AK5: variants seen among roughly 807,000 people sequenced by gnomAD.
AK5 encodes the protein adenylate kinase 5.
In AK5, 27 loss-of-function variants were observed where a neutral mutation model predicts 69.5. The observed-to-expected ratio is 0.39, with a 90% CI of 0.29 to 0.54. AK5 has a LOEUF of 0.54. Ranked by LOEUF, AK5 falls within the 20% of genes least tolerant of loss-of-function variation. AK5 has a pLI of 0.71. For missense variants in AK5, 531 were observed against 700.4 expected (o/e 0.76, Z 2.73); for synonymous variants, 260 against 244.4 (o/e 1.06, Z -0.60).
At chr1:77,416,697 G>A (rs1650451166) in intron 7 of AK5, among the ~76,000 whole-genome samples, 1 of 152,134 alleles carries the variant, frequency 6.6e-6, no homozygotes, top group African/African-American at 2.4e-5. Context: ...CAACATCGGG[G>A]ACAGGTCTAT....
chr1:77,430,014 G>A (rs1039645444), intron 8 of AK5, among the ~76,000 whole-genome samples: 2 of 152,062 alleles, frequency 1.3e-5, no homozygotes, highest in African/African-American at 4.8e-5. Flanking sequence ...TGAAGAGTTG[G>A]GGTTTCTGAG....
At chr1:77,436,826 C>T (rs1651989708) in intron 8 of AK5, among the ~76,000 whole-genome samples, 1 of 152,076 alleles carries the variant, frequency 6.6e-6, no homozygotes, top group African/African-American at 2.4e-5. Flanking sequence ...GCCGTTTTTA[C>T]AGGCTGTGAC....
chr1:77,355,071 G>A lies in AK5; in HGVS notation c.891+14503G>A, dbSNP rs77918136. On this transcript the variant is annotated intron_variant, in intron 6 of 13. Transcript: ENST00000354567. The stretch of plus-strand genomic sequence containing the variant: ...CCAAAGCTTTATTTAGAGTTCATAT[G>A]TTCATGACAAATGAATTCTAGCAGA... 3.0e-3 allele frequency among the ~76,000 whole-genome samples: 456 copies of A among 152,190 alleles called. 1 individual carries two copies. Among genetic ancestry groups the A allele is most frequent in the African/African-American group, 0.011 (439 of 41,512 alleles).
At chr1:77,419,478 A>G (rs959368295) in intron 8 of AK5, among the ~76,000 whole-genome samples, 2 of 152,208 alleles carry the variant, frequency 1.3e-5, no homozygotes, top group Admixed American at 6.5e-5. Context: ...ATTAGAAGCC[A>G]TGAAACAAAT....
intron 5 of AK5, among the ~76,000 whole-genome samples, chr1:77,338,273 T>C (rs895934122): frequency 3.3e-5 from 5 of 152,284 alleles, no homozygotes; most frequent in African/African-American, 9.6e-5. Context: ...ATTTGAACAA[T>C]GTTTTAAAGA....
intron 6 of AK5, among the ~76,000 whole-genome samples, chr1:77,403,175 C>T (rs1649358452): frequency 6.6e-6 from 1 of 151,822 alleles, no homozygotes; most frequent in Admixed American, 6.6e-5. Flanking sequence ...TGTTTGAGTT[C>T]ATTGTAGATT....
At chr1:77,324,980 C>CTTTTTT (rs374298984) in intron 5 of AK5, among the ~76,000 whole-genome samples, 9 of 139,196 alleles carry the variant, frequency 6.5e-5, no homozygotes, top group Non-Finnish European at 1.4e-4. Context: ...TTACGAGCTA[C>CTTTTTT]TTTTTTTTTT....
At chr1:77,428,388 C>T (rs928052470) in intron 8 of AK5, among the ~76,000 whole-genome samples, 6 of 152,190 alleles carry the variant, frequency 3.9e-5, no homozygotes, top group African/African-American at 1.4e-4. Flanking sequence ...ACTTCTGCAG[C>T]TTCAGCTATC....
At chr1:77,506,240 G>GTTGGT (rs1363320183) in intron 10 of AK5, among the ~76,000 whole-genome samples, 1 of 151,812 alleles carries the variant, frequency 6.6e-6, no homozygotes, top group Non-Finnish European at 1.5e-5. Context: ...TGGTTGGTTG[G>GTTGGT]TTGGTTGGTT....
chr1:77,352,425 T>G (rs1483128773), intron 6 of AK5, among the ~76,000 whole-genome samples: 2 of 152,152 alleles, frequency 1.3e-5, no homozygotes, highest in African/African-American at 4.8e-5. Flanking sequence ...CTGAAGCCAG[T>G]AAACAAGGGA....
At chr1:77,331,039 A>C (rs967553949) in intron 5 of AK5, among the ~76,000 whole-genome samples, 15 of 152,052 alleles carry the variant, frequency 9.9e-5, no homozygotes, top group African/African-American at 3.4e-4. Context: ...GCCTTATGCT[A>C]ATATACAAAA....
At chr1:77,347,769 A>G (rs899827401) in intron 6 of AK5, among the ~76,000 whole-genome samples, 2 of 152,166 alleles carry the variant, frequency 1.3e-5, no homozygotes, top group Non-Finnish European at 2.9e-5. Flanking sequence ...AACAGCATCA[A>G]AACAACAGGA....
chr1:77,343,315 A>G (rs1007904448), intron 6 of AK5, among the ~76,000 whole-genome samples: 3 of 152,146 alleles, frequency 2.0e-5, no homozygotes, highest in African/African-American at 7.2e-5. Flanking sequence ...GAGAAACTTC[A>G]TGTTAGTACC....
chr1:77,282,248 C>T lies in AK5; in HGVS notation c.-66C>T. On this transcript the variant is annotated 5_prime_UTR_variant, in exon 1 of 14. Coordinates refer to ENST00000354567, the MANE Select transcript of AK5 (RefSeq NM_174858.3). ...GGACTCTGCCAGCCCCAGCTTCAGC[C>T]CCGGCTCAGGTCGCCGCAGCCCGGG... 6.8e-7 allele frequency: 1 copy of T among 1,478,806 alleles called. No individual in the cohort carries two copies. The highest frequency in any genetic ancestry group is 9.1e-7 in the Non-Finnish European group (1 of 1,095,660). 91.6% of individuals were successfully genotyped at this position (1,478,806 alleles called of 1,614,324 possible). A position where few individuals can be genotyped will look rare whatever the true frequency, so the allele number is the denominator to read the frequency against.
chr1:77,351,935 T>TC lies in AK5; in HGVS notation c.891+11367_891+11368insC, dbSNP rs1244344768. 2.0e-5 allele frequency among the ~76,000 whole-genome samples: 3 copies of TC among 151,042 alleles called. No homozygotes were observed. In the East Asian group the frequency reaches 5.8e-4, roughly 29 times the overall value. The stretch of plus-strand genomic sequence containing the variant: ...TACATCTGCAAGTAATTCTTTTTTT[T>TC]TTTTTTTTCTTGAGATGGAGTTTCG... On this transcript the variant is annotated intron_variant, in intron 6 of 13. Coordinates refer to ENST00000354567, the MANE Select transcript of AK5 (RefSeq NM_174858.3).
At chr1:77,294,898 A>G (rs1413721753) in intron 3 of AK5, among the ~76,000 whole-genome samples, 1 of 152,070 alleles carries the variant, frequency 6.6e-6, no homozygotes, top group East Asian at 1.9e-4. Context: ...GCGTGGTGAC[A>G]CACACCTGTT....
chr1:77,502,795 AGGC>A (rs1431645084), intron 10 of AK5, among the ~76,000 whole-genome samples: 1 of 152,200 alleles, frequency 6.6e-6, no homozygotes, highest in African/African-American at 2.4e-5. Context: ...CATAGCAAGT[AGGC>A]AGAAGCTGCA....
At chr1:77,295,914 A>G (rs541628030) in intron 3 of AK5, among the ~76,000 whole-genome samples, 2 of 152,260 alleles carry the variant, frequency 1.3e-5, no homozygotes, top group East Asian at 1.9e-4. Context: ...ATTTCTTTCT[A>G]TTCAGTGAAA....
At chr1:77,514,611 G>T (rs770558222) in intron 10 of AK5, among the ~76,000 whole-genome samples, 3 of 151,654 alleles carry the variant, frequency 2.0e-5, no homozygotes, top group Non-Finnish European at 2.9e-5. Context: ...CAGTGCCTGC[G>T]CCATTTGGCC....
Sources: gnomAD v4.1 joint callset for allele counts (sites outside exome capture counted in the v4.1 genomes callset) on GRCh38, gnomAD v4.1.1 for gene constraint, MANE v1.5 for transcripts, NCBI Gene and HGNC (gene_info 2026-07-23, HGNC 2026-07-21) for gene names.